Variants in BANK1 observed in about 807,000 individuals in gnomAD.
BANK1 encodes B-cell scaffold protein with ankyrin repeats.
Under a neutral mutation model 94.5 loss-of-function variants are expected in BANK1, and 95 were observed. The ratio of observed to expected loss-of-function variants is 1.00; its 90% confidence interval spans 0.85 to 1.19. The LOEUF is 1.19. Ranked by LOEUF, BANK1 falls within the 50% of genes most tolerant of loss-of-function variation. BANK1 has a pLI of 0.00. For synonymous variants in BANK1, 334 were observed against 308.4 expected, an observed-to-expected ratio of 1.08 and a Z score of -0.87; for missense variants, 987 against 932.2, an observed-to-expected ratio of 1.06 and a Z score of -0.77.
intron 1 of BANK1, among the ~76,000 whole-genome samples, chr4:101,809,674 T>C (rs1725677885): frequency 6.6e-6 from 1 of 152,244 alleles, no homozygotes; most frequent in South Asian, 2.1e-4. Flanking sequence ...TGTTATTTGC[T>C]TTGACTCATG....
intron 7 of BANK1, among the ~76,000 whole-genome samples, chr4:102,003,422 G>A (rs1308128499): frequency 6.6e-6 from 1 of 152,168 alleles, no homozygotes; most frequent in African/African-American, 2.4e-5. Flanking sequence ...TTATTCCCAT[G>A]TCTGGCAATT....
At chr4:102,013,724 A>T (rs1022218127) in intron 7 of BANK1, among the ~76,000 whole-genome samples, 6 of 151,936 alleles carry the variant, frequency 3.9e-5, no homozygotes, top group Admixed American at 3.9e-4. Flanking sequence ...GAAGATTTGG[A>T]GGTCTTTATT....
intron 11 of BANK1, among the ~76,000 whole-genome samples, chr4:102,046,152 A>G (rs1025127428): frequency 6.6e-6 from 1 of 151,714 alleles, no homozygotes; most frequent in African/African-American, 2.4e-5. Context: ...ATCTACAACT[A>G]TCTGATCTTT....
rs1438923417 is a variant in BANK1 at position 102,010,158 on chromosome 4, G to A, written c.1207-11356G>A. ...CGGGCGCCTGTAGTCCCAGCTACTC[G>A]GGAGGCTGAGGCAGGAGAATGGCGT... On this transcript the variant is annotated intron_variant, in intron 7 of 16. Transcript: ENST00000322953. Among the ~76,000 whole-genome samples the A allele has an allele frequency of 5.3e-5, 8 of 151,730 alleles. No homozygotes were observed. In the South Asian group the frequency reaches 6.2e-4, roughly 12 times the overall value.
chr4:102,063,860 G>C (rs1385149107), intron 13 of BANK1, among the ~76,000 whole-genome samples: 1 of 150,656 alleles, frequency 6.6e-6, no homozygotes, highest in East Asian at 1.9e-4. Context: ...AAAGAGACAT[G>C]CTTTTTAATA....
chr4:101,989,406 G>T (rs1253860068), intron 7 of BANK1, among the ~76,000 whole-genome samples: 3 of 147,070 alleles, frequency 2.0e-5, no homozygotes, highest in Non-Finnish European at 1.5e-5. Context: ...ACTCCAGCCT[G>T]GGGTACAAGA....
intron 4 of BANK1, among the ~76,000 whole-genome samples, chr4:101,867,478 T>TC (rs61300752): frequency 0.44 from 66,360 of 151,586 alleles, 15,342 homozygotes; most frequent in African/African-American, 0.59. Context: ...AGAAAGAGCA[T>TC]AGAGAATAAA....
At chr4:102,043,801 T>TTATGTTCAGTAAATAA in intron 10 of BANK1, 38 bp from the exon 11 acceptor site, 3 of 1,404,516 alleles carry the variant, frequency 2.1e-6, no homozygotes, top group Non-Finnish European at 3.0e-6. Flanking sequence ...TTTTGAACGT[T>TTATGTTCAGTAAATAA]TATGTTCAGT....
chr4:101,887,998 T>C (rs1728916749), intron 5 of BANK1, among the ~76,000 whole-genome samples: 2 of 152,198 alleles, frequency 1.3e-5, no homozygotes, highest in African/African-American at 4.8e-5. Context: ...TGCAGTAAGA[T>C]TTTTTTAAAG....
At chr4:101,854,501 G>A (rs1387930412) in intron 2 of BANK1, among the ~76,000 whole-genome samples, 1 of 152,012 alleles carries the variant, frequency 6.6e-6, no homozygotes, top group Non-Finnish European at 1.5e-5. Flanking sequence ...TCCATAGAAT[G>A]CATTAACATT....
At chr4:102,048,525 A>G (rs1323169775) in intron 11 of BANK1, among the ~76,000 whole-genome samples, 1 of 152,188 alleles carries the variant, frequency 6.6e-6, no homozygotes, top group Non-Finnish European at 1.5e-5. Flanking sequence ...ATGGTGTACT[A>G]GGAAAAGCAG....
In BANK1 at chr4:102,025,334, A is replaced by AGAGGTTG. The variant is rs1166386852; in HGVS notation, c.1421_1427dup (p.Ser477GlyfsTer4). On this transcript the variant is annotated frameshift_variant, in exon 9 of 17. Transcript: ENST00000322953. LOFTEE classifies it high-confidence loss of function. ...GCATGGAGACCAAACACAGCCCACT[A>AGAGGTTG]GAGGTTGGCAGTGAGAGTTCTGAAG... 1 of 1,614,152 alleles carries AGAGGTTG rather than the reference A, an allele frequency of 6.2e-7. No homozygotes were observed. Among genetic ancestry groups the AGAGGTTG allele is most frequent in the Admixed American group, 1.7e-5 (1 of 60,012 alleles).
intron 7 of BANK1, among the ~76,000 whole-genome samples, chr4:102,010,311 G>A (rs1002737070): frequency 4.6e-5 from 7 of 151,660 alleles, no homozygotes; most frequent in African/African-American, 1.7e-4. Context: ...AACAATTGAA[G>A]TCCTTTTACC....
intron 7 of BANK1, among the ~76,000 whole-genome samples, chr4:101,922,028 G>GTGTA (rs1400933476): frequency 6.6e-6 from 1 of 150,468 alleles, no homozygotes; most frequent in Non-Finnish European, 1.5e-5. Context: ...GTGTGTGTGT[G>GTGTA]TGTGTGTGTG....
intron 7 of BANK1, among the ~76,000 whole-genome samples, chr4:101,930,114 T>C (rs1723292429): frequency 6.6e-6 from 1 of 151,302 alleles, no homozygotes; most frequent in South Asian, 2.1e-4. Context: ...ATAGTAATTA[T>C]ATGTATGTGG....
intron 7 of BANK1, chr4:101,981,860 A>AC (rs1374672295): frequency 6.6e-6 from 1 of 152,134 alleles, no homozygotes; most frequent in Non-Finnish European, 1.5e-5. Context: ...GCTGCCACAA[A>AC]ATAAGAAGGC....
chr4:102,045,628 A>G (rs1299564805), intron 11 of BANK1, among the ~76,000 whole-genome samples: 1 of 152,096 alleles, frequency 6.6e-6, no homozygotes, highest in Admixed American at 6.6e-5. Flanking sequence ...AAAAATCACA[A>G]GCATTCTTAT....
chr4:102,057,898 T>C (rs189094209), intron 11 of BANK1, among the ~76,000 whole-genome samples: 81 of 152,296 alleles, frequency 5.3e-4, no homozygotes, highest in African/African-American at 1.8e-3. Context: ...ATATGTAATA[T>C]GGCATCACAA....
In BANK1 at chr4:101,841,079, A is replaced by G. The variant is rs148381737; in HGVS notation, c.469+10873A>G. Reference sequence around the variant, plus strand: ...TGGCCTACGTGATCCACCTGCCTCAACCTCCCAAAGTGCTGGGATTGCGGT... The same window carrying G: ...TGGCCTACGTGATCCACCTGCCTCAGCCTCCCAAAGTGCTGGGATTGCGGT... On this transcript the variant is annotated intron_variant, in intron 2 of 16. Transcript: ENST00000322953. Among the ~76,000 whole-genome samples the G allele has an allele frequency of 6.7e-3, 1,023 of 152,194 alleles. 11 individuals carry two copies. The highest frequency in any genetic ancestry group is 0.023 in the African/African-American group (965 of 41,524).
Sources: gnomAD v4.1 joint callset for allele counts (sites outside exome capture counted in the v4.1 genomes callset) on GRCh38, gnomAD v4.1.1 for gene constraint, MANE v1.5 for transcripts, NCBI Gene and HGNC (gene_info 2026-07-23, HGNC 2026-07-21) for gene names.